The following ARMC2 variants were observed in gnomAD, a reference collection of about 807,000 sequenced individuals.
The protein encoded by ARMC2 is armadillo repeat-containing protein 2.
In ARMC2, 67 loss-of-function variants were observed where a neutral mutation model predicts 90.3. That is an observed-to-expected ratio of 0.74 (90% CI 0.61 to 0.91). The LOEUF is 0.91. Ranked by LOEUF, ARMC2 falls within the 40% of genes least tolerant of loss-of-function variation. The pLI, the probability that ARMC2 is intolerant of heterozygous loss-of-function variation, is 0.00. For synonymous variants in ARMC2, 393 were observed against 393.0 expected (o/e 1.00, Z 0.00); for missense variants, 920 against 1,030.9 (o/e 0.89, Z 1.47).
At chr6:108,891,788 T>C (rs1343514525) in intron 5 of ARMC2, among the ~76,000 whole-genome samples, 1 of 152,248 alleles carries the variant, frequency 6.6e-6, no homozygotes, top group African/African-American at 2.4e-5. Flanking sequence ...TTGTTGCCAT[T>C]GCTTTTGTTG....
chr6:108,903,907 G>A (rs1172863670), intron 7 of ARMC2, among the ~76,000 whole-genome samples: 1 of 152,154 alleles, frequency 6.6e-6, no homozygotes, highest in African/African-American at 2.4e-5. Flanking sequence ...AGCAGATCAC[G>A]GGCTGAGGTG....
chr6:108,893,288 A>C (rs528564892), intron 5 of ARMC2, among the ~76,000 whole-genome samples: 24 of 152,362 alleles, frequency 1.6e-4, no homozygotes, highest in African/African-American at 5.5e-4. Context: ...ATTTCTAAAA[A>C]TAAATATTGT....
intron 2 of ARMC2, 124 bp from the exon 3 acceptor site, chr6:108,858,075 T>C: frequency 1.7e-6 from 1 of 595,658 alleles, no homozygotes; most frequent in Non-Finnish European, 2.8e-6. Context: ...TGAAAAAATG[T>C]TTTTCCTCAT....
intron 13 of ARMC2, among the ~76,000 whole-genome samples, chr6:108,960,479 A>T (rs1159172333): frequency 6.6e-6 from 1 of 152,246 alleles, no homozygotes; most frequent in Non-Finnish European, 1.5e-5. Flanking sequence ...TCTTGCATCC[A>T]GCACTCACTA....
intron 5 of ARMC2, among the ~76,000 whole-genome samples, chr6:108,894,061 A>G (rs530946740): frequency 6.6e-6 from 1 of 152,298 alleles, no homozygotes; most frequent in East Asian, 1.9e-4. Context: ...ACAATTCTCG[A>G]TGGTTTCTTC....
At chr6:108,998,923 T>C in the ARMC2 span, 1 of 610,978 alleles carries the variant, frequency 1.6e-6, no homozygotes, top group South Asian at 2.5e-5. Context: ...TTTATGAATA[T>C]GCATTCACAA....
At chr6:108,851,441 G>A (rs909169134) in intron 1 of ARMC2, among the ~76,000 whole-genome samples, 1 of 152,134 alleles carries the variant, frequency 6.6e-6, no homozygotes, top group Non-Finnish European at 1.5e-5. Context: ...AATCATTTGA[G>A]TATAAGCAGG....
chr6:108,903,707 A>C (rs1311831187), intron 7 of ARMC2, among the ~76,000 whole-genome samples: 1 of 152,230 alleles, frequency 6.6e-6, no homozygotes, highest in African/African-American at 2.4e-5. Flanking sequence ...TACATGAAAA[A>C]TAAGTAACCT....
chr6:108,941,030 G>T (rs954585984), intron 12 of ARMC2, among the ~76,000 whole-genome samples: 6 of 152,184 alleles, frequency 3.9e-5, no homozygotes, highest in African/African-American at 1.2e-4. Flanking sequence ...GCTAAGGCGG[G>T]AGGATTGCTT....
chr6:108,910,571 T>C (rs1158761138), intron 8 of ARMC2, among the ~76,000 whole-genome samples: 1 of 152,220 alleles, frequency 6.6e-6, no homozygotes, highest in Non-Finnish European at 1.5e-5. Flanking sequence ...GCAACCCCAC[T>C]GCCAGGTATA....
chr6:109,049,624 T>C, the ARMC2 span, among the ~76,000 whole-genome samples: 1 of 151,842 alleles, frequency 6.6e-6, no homozygotes, highest in African/African-American at 2.4e-5. Context: ...GAAACACTAT[T>C]ATGTACCCCA....
At chr6:108,941,794 G>C (rs892728234) in intron 12 of ARMC2, among the ~76,000 whole-genome samples, 1 of 152,122 alleles carries the variant, frequency 6.6e-6, no homozygotes, top group African/African-American at 2.4e-5. Flanking sequence ...TTCATTTTAT[G>C]AGCCCATGAG....
intron 12 of ARMC2, among the ~76,000 whole-genome samples, chr6:108,945,916 C>T (rs1776770890): frequency 6.6e-6 from 1 of 152,244 alleles, no homozygotes; most frequent in Non-Finnish European, 1.5e-5. Context: ...TGTAGGGCGA[C>T]TTGGCTCCCA....
intron 13 of ARMC2, among the ~76,000 whole-genome samples, chr6:108,954,881 A>G (rs1583207004): frequency 6.6e-6 from 1 of 152,266 alleles, no homozygotes; most frequent in South Asian, 2.1e-4. Context: ...TCAACAACAG[A>G]CATGTATTTT....
chr6:108,915,479 A>G (rs901028850), intron 10 of ARMC2, among the ~76,000 whole-genome samples: 3 of 152,034 alleles, frequency 2.0e-5, no homozygotes, highest in African/African-American at 7.3e-5. Context: ...ATATTACAGA[A>G]CTTCGCTTGC....
At chr6:108,925,027 C>A (rs562127639) in intron 10 of ARMC2, among the ~76,000 whole-genome samples, 2 of 152,126 alleles carry the variant, frequency 1.3e-5, no homozygotes, top group Non-Finnish European at 2.9e-5. Flanking sequence ...TACACAGAGG[C>A]TGGTCCCCTT....
the ARMC2 span, among the ~76,000 whole-genome samples, chr6:109,023,146 A>G: frequency 6.6e-6 from 1 of 152,178 alleles, no homozygotes; most frequent in African/African-American, 2.4e-5. Flanking sequence ...ACATCTCTCA[A>G]TATATCTTCT....
At chr6:109,049,554 A>G in the ARMC2 span, among the ~76,000 whole-genome samples, 278 of 152,228 alleles carry the variant, frequency 1.8e-3, 2 homozygotes, top group Non-Finnish European at 3.0e-3. Flanking sequence ...ACACAAAGAA[A>G]TAACTGTTTA....
intron 10 of ARMC2, among the ~76,000 whole-genome samples, chr6:108,924,983 C>G (rs1489544600): frequency 6.6e-6 from 1 of 151,946 alleles, no homozygotes; most frequent in African/African-American, 2.4e-5. Context: ...TGGGAAGGAG[C>G]TGCTGTCAGA....
Sources: gnomAD v4.1 joint callset for allele counts (sites outside exome capture counted in the v4.1 genomes callset) on GRCh38, gnomAD v4.1.1 for gene constraint, MANE v1.5 for transcripts, NCBI Gene and HGNC (gene_info 2026-07-23, HGNC 2026-07-21) for gene names.